The following DAB1 variants were observed in gnomAD, a reference collection of about 807,000 sequenced individuals.
DAB1 encodes the protein DAB adaptor protein 1.
In DAB1, 15 loss-of-function variants were observed where a neutral mutation model predicts 64.6. The ratio of observed to expected loss-of-function variants is 0.23; its 90% CI spans 0.16 to 0.36. The LOEUF (loss-of-function observed/expected upper bound fraction) is 0.36, where lower values mean the gene tolerates loss of function less well. Among genes scored for constraint, DAB1 ranks in the 10% least tolerant of loss-of-function variants. The probability of loss-of-function intolerance (pLI) is 1.00; values close to 1 mark genes in which losing one functional copy is unlikely to be tolerated. For synonymous variants in DAB1, 235 were observed against 251.9 expected (o/e 0.93, Z 0.64); for missense variants, 596 against 706.7 (o/e 0.84, Z 1.78).
chr1:58,532,613 G>T (rs1646451702), intron 1 of DAB1, among the ~76,000 whole-genome samples: 1 of 152,036 alleles, frequency 6.6e-6, no homozygotes, highest in East Asian at 1.9e-4. Context: ...CTGTAGCCTT[G>T]ATCTCCCAGG....
intron 7 of DAB1, among the ~76,000 whole-genome samples, chr1:57,566,803 A>T (rs866193190): frequency 4.6e-5 from 7 of 152,292 alleles, no homozygotes; most frequent in Middle Eastern, 3.4e-3. Flanking sequence ...CAACCAAAAA[A>T]AGTCCAGGAC....
At chr1:57,230,332 A>C (rs968214662) in intron 2 of DAB1, among the ~76,000 whole-genome samples, 9 of 152,130 alleles carry the variant, frequency 5.9e-5, no homozygotes, top group African/African-American at 1.4e-4. Context: ...AAAAAAAAAA[A>C]AAAAAAACAG....
intron 1 of DAB1, among the ~76,000 whole-genome samples, chr1:58,528,857 G>A (rs140941819): frequency 6.6e-4 from 101 of 152,150 alleles, no homozygotes; most frequent in African/African-American, 2.3e-3. Context: ...CTTGATTTAG[G>A]AAAAAATAAT....
chr1:58,000,865 C>A (rs1646497675), intron 5 of DAB1, among the ~76,000 whole-genome samples: 1 of 151,976 alleles, frequency 6.6e-6, no homozygotes, highest in Non-Finnish European at 1.5e-5. Context: ...GCCACCACAC[C>A]CAGCCTTTTT....
chr1:57,315,282 T>A (rs1035423644), intron 1 of DAB1, among the ~76,000 whole-genome samples: 1 of 152,220 alleles, frequency 6.6e-6, no homozygotes, highest in Admixed American at 6.5e-5. Flanking sequence ...ACTTATTCCA[T>A]GTAAATTCTA....
chr1:58,058,269 A>T (rs1648268497), intron 5 of DAB1, among the ~76,000 whole-genome samples: 1 of 152,182 alleles, frequency 6.6e-6, no homozygotes. Context: ...TGAGGTAAGT[A>T]CTATTAATTT....
At chr1:57,167,773 G>A (rs142178650) in intron 2 of DAB1, among the ~76,000 whole-genome samples, 9 of 152,276 alleles carry the variant, frequency 5.9e-5, no homozygotes, top group African/African-American at 1.9e-4. Flanking sequence ...TGTAGTCACC[G>A]TAATCTAATA....
chr1:58,280,256 CA>C (rs1240258250), intron 4 of DAB1, among the ~76,000 whole-genome samples: 1 of 152,224 alleles, frequency 6.6e-6, no homozygotes, highest in Non-Finnish European at 1.5e-5. Flanking sequence ...CCCTTAGCCA[CA>C]CTGTGTTCTC....
chr1:57,240,113 T>C (rs1359046465), intron 2 of DAB1, among the ~76,000 whole-genome samples: 1 of 152,198 alleles, frequency 6.6e-6, no homozygotes, highest in Non-Finnish European at 1.5e-5. Flanking sequence ...TATTAACTGG[T>C]GATATTAAAT....
At chr1:57,717,358 C>A (rs1198099140) in intron 6 of DAB1, among the ~76,000 whole-genome samples, 1 of 151,240 alleles carries the variant, frequency 6.6e-6, no homozygotes, top group Non-Finnish European at 1.5e-5. Flanking sequence ...CACATTAAAA[C>A]CATCATGAGA....
chr1:57,746,880 C>A (rs1211999191), intron 6 of DAB1, among the ~76,000 whole-genome samples: 1 of 149,374 alleles, frequency 6.7e-6, no homozygotes, highest in Non-Finnish European at 1.5e-5. Flanking sequence ...TTTTTTTTGT[C>A]TTTTACGTAC....
At chr1:57,449,734 T>C (rs1207334531) in intron 7 of DAB1, among the ~76,000 whole-genome samples, 1 of 152,154 alleles carries the variant, frequency 6.6e-6, no homozygotes, top group Non-Finnish European at 1.5e-5. Flanking sequence ...GATGGTCAAT[T>C]ATTTTGGTAT....
chr1:58,280,432 T>C (rs1661531068), intron 4 of DAB1, among the ~76,000 whole-genome samples: 1 of 152,218 alleles, frequency 6.6e-6, no homozygotes, highest in African/African-American at 2.4e-5. Context: ...ACCTTGGGCA[T>C]TTTATTCCAC....
At chr1:57,160,313 C>T (rs1660628543) in intron 2 of DAB1, among the ~76,000 whole-genome samples, 2 of 152,150 alleles carry the variant, frequency 1.3e-5, no homozygotes. Context: ...GCATGACATG[C>T]ATTATTAATC....
intron 3 of DAB1, among the ~76,000 whole-genome samples, chr1:58,364,257 G>C (rs1644195082): frequency 6.6e-6 from 1 of 152,184 alleles, no homozygotes; most frequent in East Asian, 1.9e-4. Context: ...TTGGGAGTAG[G>C]AAGAGAGGTT....
intron 2 of DAB1, among the ~76,000 whole-genome samples, chr1:57,174,704 C>G (rs1662118373): frequency 6.6e-6 from 1 of 152,166 alleles, no homozygotes; most frequent in Admixed American, 6.5e-5. Context: ...TTGACCCCCA[C>G]TCTTCTTTCT....
intron 6 of DAB1, among the ~76,000 whole-genome samples, chr1:57,728,605 A>G (rs1332667506): frequency 6.6e-6 from 1 of 150,898 alleles, no homozygotes; most frequent in African/African-American, 2.4e-5. Context: ...AAAAAAAACA[A>G]CAACAAAAAA....
chr1:57,746,694 A>G (rs1648286446), intron 6 of DAB1, among the ~76,000 whole-genome samples: 3 of 152,202 alleles, frequency 2.0e-5, no homozygotes, highest in Admixed American at 2.0e-4. Context: ...TCTCTAGATT[A>G]CTTATAAGAT....
chr1:57,541,229 C>T (rs560226411), intron 7 of DAB1, among the ~76,000 whole-genome samples: 23 of 151,704 alleles, frequency 1.5e-4, no homozygotes, highest in East Asian at 5.9e-4. Flanking sequence ...CCCAGGTTCA[C>T]GCCATTCTCC....
Sources: allele counts gnomAD v4.1 joint callset (sites outside exome capture counted in the v4.1 genomes callset), GRCh38; gene constraint gnomAD v4.1.1; transcripts MANE v1.5; gene names NCBI Gene and HGNC (gene_info 2026-07-23, HGNC 2026-07-21).